The following IL15 variants were observed in gnomAD, a reference collection of about 807,000 sequenced individuals.
The protein encoded by IL15 is interleukin-15.
IL15 carries 11 observed loss-of-function variants against 19.6 expected under a neutral mutation model. The ratio of observed to expected loss-of-function variants is 0.56; its 90% CI spans 0.35 to 0.93. The LOEUF (loss-of-function observed/expected upper bound fraction) is 0.93. Among genes scored for constraint, IL15 ranks in the 40% least tolerant of loss-of-function variants. IL15 has a pLI of 0.01. For synonymous variants in IL15, 58 were observed against 59.6 expected (o/e 0.97, Z 0.12); for missense variants, 197 against 186.5 (o/e 1.06, Z -0.33).
rs1377678587 is a variant in IL15, at chr4:141,717,662, CT to C, written c.-99-1689del. 1,328 of 141,312 alleles carry C rather than the reference CT, an allele frequency of 9.4e-3. 16 individuals are homozygous for C. The highest frequency in any genetic ancestry group is 0.022 in the African/African-American group (865 of 38,668). 8.8% of individuals were successfully genotyped at this position (141,312 alleles called of 1,614,324 possible). ...CAGCAAGCAGAGCTATAAAATACTT[CT>C]TTTTTTTTTTTTTTGAGATGGAGTT... On this transcript the variant is annotated intron_variant, in intron 2 of 7. Coordinates refer to ENST00000320650, the MANE Select transcript of IL15 (RefSeq NM_000585.5).
intron 2 of IL15, among the ~76,000 whole-genome samples, chr4:141,669,898 A>T (rs191735180): frequency 3.8e-4 from 58 of 151,948 alleles, no homozygotes; most frequent in African/African-American, 1.3e-3. Flanking sequence ...GGGTCTAGAA[A>T]TCTAGATTAA....
chr4:141,727,329 A>G (rs1730298577), intron 5 of IL15, among the ~76,000 whole-genome samples: 1 of 151,190 alleles, frequency 6.6e-6, no homozygotes, highest in South Asian at 2.1e-4. Flanking sequence ...TTTTCTGTAA[A>G]CCTAAATGGC....
At chr4:141,682,081 G>A (rs1728552660) in intron 2 of IL15, among the ~76,000 whole-genome samples, 1 of 152,190 alleles carries the variant, frequency 6.6e-6, no homozygotes, top group Non-Finnish European at 1.5e-5. Flanking sequence ...ATACTCTACT[G>A]TAGAGATCAT....
chr4:141,715,701 G>A (rs1257792395), intron 2 of IL15: 3 of 151,888 alleles, frequency 2.0e-5, no homozygotes, highest in Admixed American at 6.6e-5. Context: ...ATTCAGTCTC[G>A]GCTTGTCTTT....
At chr4:141,716,268 A>C (rs985941595) in intron 2 of IL15, 2 of 152,210 alleles carry the variant, frequency 1.3e-5, no homozygotes, top group Admixed American at 1.3e-4. Flanking sequence ...ACAGGCCCAG[A>C]GTTCTAGGAT....
intron 2 of IL15, among the ~76,000 whole-genome samples, chr4:141,682,302 G>T (rs1345516970): frequency 6.6e-6 from 1 of 152,128 alleles, no homozygotes; most frequent in Non-Finnish European, 1.5e-5. Flanking sequence ...ATTGTTGAAA[G>T]AAAATTTGAA....
intron 1 of IL15, among the ~76,000 whole-genome samples, chr4:141,645,594 G>T (rs773281716): frequency 6.6e-6 from 1 of 152,096 alleles, no homozygotes; most frequent in Non-Finnish European, 1.5e-5. Context: ...CAGTCTCATA[G>T]TAGTTTCAAT....
chr4:141,676,593 C>T (rs983242146), intron 2 of IL15, among the ~76,000 whole-genome samples: 6 of 152,118 alleles, frequency 3.9e-5, no homozygotes, highest in African/African-American at 1.4e-4. Flanking sequence ...GAAAGGACAT[C>T]ATGAAAGTCT....
chr4:141,642,270 C>G (rs1727072480), intron 1 of IL15, among the ~76,000 whole-genome samples: 1 of 151,974 alleles, frequency 6.6e-6, no homozygotes, highest in Admixed American at 6.6e-5. Context: ...GAGAACTTGC[C>G]AGAAATCTGC....
At chr4:141,677,682 C>A (rs1353469405) in intron 2 of IL15, among the ~76,000 whole-genome samples, 1 of 152,176 alleles carries the variant, frequency 6.6e-6, no homozygotes, top group Non-Finnish European at 1.5e-5. Flanking sequence ...CCAGCAATGG[C>A]ATGTTGAAAC....
At chr4:141,662,719 T>G (rs1446005807) in intron 2 of IL15, among the ~76,000 whole-genome samples, 1 of 152,218 alleles carries the variant, frequency 6.6e-6, no homozygotes, top group Non-Finnish European at 1.5e-5. Flanking sequence ...CTATTTTTTT[T>G]CTGTTTGACT....
intron 2 of IL15, among the ~76,000 whole-genome samples, chr4:141,688,039 G>T (rs1196447589): frequency 6.6e-6 from 1 of 152,096 alleles, no homozygotes; most frequent in Non-Finnish European, 1.5e-5. Context: ...TTCTTTTTGT[G>T]CAAGATCACA....
At chr4:141,678,090 G>A (rs78878260) in intron 2 of IL15, among the ~76,000 whole-genome samples, 3,651 of 152,230 alleles carry the variant, frequency 0.024, 153 homozygotes, top group African/African-American at 0.082. Context: ...GGTCCCATAT[G>A]CTGCTATAAA....
intron 2 of IL15, among the ~76,000 whole-genome samples, chr4:141,658,929 G>A (rs1249474685): frequency 2.7e-5 from 4 of 150,812 alleles, no homozygotes; most frequent in African/African-American, 9.8e-5. Flanking sequence ...GTGCGATCTC[G>A]GCTCACTGCA....
chr4:141,673,248 T>C (rs981409837), intron 2 of IL15, among the ~76,000 whole-genome samples: 2 of 152,206 alleles, frequency 1.3e-5, no homozygotes, highest in African/African-American at 4.8e-5. Flanking sequence ...GGACTCATAA[T>C]TGTTTGGCAT....
rs560992470 is a variant in IL15, at chr4:141,686,554, G to A, written c.-100+30247G>A. Among the ~76,000 whole-genome samples the A allele has an allele frequency of 2.0e-5, 3 of 152,236 alleles. No homozygotes were observed. The South Asian group carries it at 6.2e-4, about 32-fold the overall frequency. ...TTCGTCATTCTCAGCTTTCTTGTCT[G>A]TGGAGTGTGGTAATGACAGTGCCTA... On this transcript the variant is annotated intron_variant, in intron 2 of 7. Coordinates refer to ENST00000320650, the MANE Select transcript of IL15 (RefSeq NM_000585.5).
At chr4:141,722,524 T>C (rs145265996) in intron 5 of IL15, among the ~76,000 whole-genome samples, 215 of 152,250 alleles carry the variant, frequency 1.4e-3, no homozygotes, top group African/African-American at 4.9e-3. Context: ...AGGTTAGAAC[T>C]TGCATGCTAA....
chr4:141,669,776 ATT>A (rs3075127), intron 2 of IL15, among the ~76,000 whole-genome samples: 76,810 of 148,982 alleles, frequency 0.52, 20,028 homozygotes, highest in East Asian at 0.84. Context: ...TATTCTTTGT[ATT>A]TTTTTTTTTT....
rs1362533055 is a variant in IL15 at position 141,732,883 on chromosome 4, T to C, written c.*35T>C. 1.9e-6 allele frequency: 3 copies of C among 1,594,054 alleles called. No individual in the cohort carries two copies. In the African/African-American group the frequency reaches 4.1e-5, roughly 22 times the overall value. ...ATTCTTTTTAAAGTGTTTCTGTTATTAACAAACATCACTCTGCTGCTTAGA... is the reference window on the plus strand; with the variant it reads ...ATTCTTTTTAAAGTGTTTCTGTTATCAACAAACATCACTCTGCTGCTTAGA... On this transcript the variant is annotated 3_prime_UTR_variant, in exon 8 of 8. Transcript: ENST00000320650.
Sources: allele counts gnomAD v4.1 joint callset (sites outside exome capture counted in the v4.1 genomes callset), GRCh38; gene constraint gnomAD v4.1.1; transcripts MANE v1.5; gene names NCBI Gene and HGNC (gene_info 2026-07-23, HGNC 2026-07-21).